The following PRKCA variants were observed in gnomAD, a reference collection of about 807,000 sequenced individuals.
The protein encoded by PRKCA is protein kinase C alpha type.
A neutral mutation model predicts 87.0 loss-of-function variants in PRKCA; 27 were observed. That is an observed-to-expected ratio of 0.31 (90% CI 0.23 to 0.43). PRKCA has a LOEUF of 0.43. Ranked by LOEUF, PRKCA falls within the 20% of genes least tolerant of loss-of-function variation. The pLI is 1.00. For missense variants in PRKCA, 518 were observed against 852.3 expected (o/e 0.61, Z 4.88); for synonymous variants, 329 against 311.1 (o/e 1.06, Z -0.61).
chr17:66,808,516 GA>G lies in PRKCA; in HGVS notation c.*4480del, dbSNP rs1976091979. ...TTTCTTTATAACCCGACAAGGGTAG[GA>G]GTGCCTGTTTCCCCTGCTGGGCACA... On this transcript the variant is annotated 3_prime_UTR_variant, in exon 17 of 17. Coordinates refer to ENST00000413366, the MANE Select transcript of PRKCA (RefSeq NM_002737.3). The G allele has an allele frequency of 6.6e-6, 1 of 152,298 alleles. No individual in the cohort carries two copies. The highest frequency in any genetic ancestry group is 1.5e-5 in the Non-Finnish European group (1 of 68,014). 9.4% of individuals were successfully genotyped at this position (152,298 alleles called of 1,614,324 possible).
chr17:66,563,986 C>A (rs1968798652), intron 3 of PRKCA, among the ~76,000 whole-genome samples: 1 of 142,804 alleles, frequency 7.0e-6, no homozygotes, highest in African/African-American at 2.6e-5. Flanking sequence ...TTCCTTCCTT[C>A]CTTCCTTCCT....
chr17:66,724,902 G>A (rs1472413721), intron 8 of PRKCA, among the ~76,000 whole-genome samples: 1 of 152,216 alleles, frequency 6.6e-6, no homozygotes, highest in East Asian at 1.9e-4. Context: ...CTGCTGGGAG[G>A]CCAGTTGCCA....
At chr17:66,521,129 TA>T (rs11361468) in intron 3 of PRKCA, among the ~76,000 whole-genome samples, 2,273 of 146,422 alleles carry the variant, frequency 0.016, 51 homozygotes, top group Admixed American at 0.064. Flanking sequence ...ATTGCCCCCT[TA>T]AAAAAAAAAA....
intron 13 of PRKCA, among the ~76,000 whole-genome samples, chr17:66,765,437 T>G (rs1185233521): frequency 7.4e-6 from 1 of 135,602 alleles, no homozygotes; most frequent in African/African-American, 2.8e-5. Context: ...TATATATATA[T>G]ATATATATAT....
chr17:66,502,537 T>C (rs1916783017), intron 3 of PRKCA, among the ~76,000 whole-genome samples: 1 of 151,660 alleles, frequency 6.6e-6, no homozygotes, highest in Non-Finnish European at 1.5e-5. Flanking sequence ...GTCTGGCCCT[T>C]TTTAAAATTC....
At chr17:66,661,653 C>T (rs1971906996) in intron 5 of PRKCA, among the ~76,000 whole-genome samples, 1 of 152,214 alleles carries the variant, frequency 6.6e-6, no homozygotes, top group African/African-American at 2.4e-5. Context: ...CCAATTCAGC[C>T]ACCCAGTGCA....
At chr17:66,740,171 C>T (rs1974126199) in intron 11 of PRKCA, among the ~76,000 whole-genome samples, 1 of 152,010 alleles carries the variant, frequency 6.6e-6, no homozygotes, top group Non-Finnish European at 1.5e-5. Context: ...GATTCATGAG[C>T]TCAGTTAAGA....
At chr17:66,632,857 T>C (rs1215359484) in intron 3 of PRKCA, among the ~76,000 whole-genome samples, 1 of 152,160 alleles carries the variant, frequency 6.6e-6, no homozygotes, top group Non-Finnish European at 1.5e-5. Flanking sequence ...AAATAATTTA[T>C]TGCTTCCCAT....
chr17:66,578,266 T>C (rs1969304381), intron 3 of PRKCA, among the ~76,000 whole-genome samples: 1 of 151,928 alleles, frequency 6.6e-6, no homozygotes, highest in Non-Finnish European at 1.5e-5. Flanking sequence ...CTGCAGCAGG[T>C]AGAGCCCAGC....
intron 5 of PRKCA, among the ~76,000 whole-genome samples, chr17:66,669,041 G>A (rs1244815422): frequency 6.6e-6 from 1 of 152,028 alleles, no homozygotes. Flanking sequence ...GTTCAAGGCT[G>A]CAGTGAGCTA....
chr17:66,607,479 T>C (rs8065445), intron 3 of PRKCA, among the ~76,000 whole-genome samples: 54,457 of 152,132 alleles, frequency 0.36, 10,346 homozygotes, highest in African/African-American at 0.44. Context: ...AAGATAAAAA[T>C]ATACTTAATT....
chr17:66,753,944 A>G (rs1974490794), intron 13 of PRKCA, among the ~76,000 whole-genome samples: 1 of 152,132 alleles, frequency 6.6e-6, no homozygotes, highest in Admixed American at 6.5e-5. Flanking sequence ...GTGTTTTATA[A>G]GGGTAGCTCA....
intron 2 of PRKCA, among the ~76,000 whole-genome samples, chr17:66,375,941 G>T (rs1260555175): frequency 1.3e-5 from 2 of 152,122 alleles, no homozygotes; most frequent in African/African-American, 4.8e-5. Flanking sequence ...GAAGATAACT[G>T]AGGTCATGGA....
chr17:66,747,669 G>A (rs1298392226), intron 13 of PRKCA, among the ~76,000 whole-genome samples: 2 of 152,206 alleles, frequency 1.3e-5, no homozygotes, highest in African/African-American at 4.8e-5. Flanking sequence ...AGAAAAAGCA[G>A]GTGAAAGTGA....
chr17:66,560,013 C>T (rs952585236), intron 3 of PRKCA, among the ~76,000 whole-genome samples: 1 of 152,190 alleles, frequency 6.6e-6, no homozygotes, highest in African/African-American at 2.4e-5. Flanking sequence ...CTGAGGGCCT[C>T]ACAGCCGAAT....
chr17:66,340,994 CT>C (rs1285918569), intron 2 of PRKCA, among the ~76,000 whole-genome samples: 2 of 152,084 alleles, frequency 1.3e-5, no homozygotes, highest in Non-Finnish European at 2.9e-5. Flanking sequence ...TTATTTATTC[CT>C]GCAAGCATGA....
rs73995103 is a variant in PRKCA at position 66,381,640 on chromosome 17, A to G, written c.205+75513A>G. Among the ~76,000 whole-genome samples the G allele has an allele frequency of 9.7e-3, 1,481 of 152,322 alleles. 15 individuals carry two copies. The highest frequency in any genetic ancestry group is 0.033 in the African/African-American group (1,365 of 41,560). On this transcript the variant is annotated intron_variant, in intron 2 of 16. Coordinates refer to ENST00000413366, the MANE Select transcript of PRKCA (RefSeq NM_002737.3). ...GATTTGCCTATGAATGTACTTATGT[A>G]GCATGGAGCAGCAAAATAGATGTGG...
intron 3 of PRKCA, among the ~76,000 whole-genome samples, chr17:66,608,659 G>A (rs146035087): frequency 1.3e-4 from 20 of 152,246 alleles, no homozygotes; most frequent in African/African-American, 4.8e-4. Context: ...CTCCAGTTTC[G>A]TTATGGACGT....
At chr17:66,374,850 C>T (rs892492777) in intron 2 of PRKCA, among the ~76,000 whole-genome samples, 1 of 150,822 alleles carries the variant, frequency 6.6e-6, no homozygotes, top group African/African-American at 2.4e-5. Context: ...GTGTCAGTCT[C>T]CCGAGTAGCT....
Sources: gnomAD v4.1 joint callset for allele counts (sites outside exome capture counted in the v4.1 genomes callset) on GRCh38, gnomAD v4.1.1 for gene constraint, MANE v1.5 for transcripts, NCBI Gene and HGNC (gene_info 2026-07-23, HGNC 2026-07-21) for gene names.